DMD: variants seen among roughly 807,000 people sequenced by gnomAD.
DMD encodes mutant dystrophin.
Under a neutral mutation model 330.1 loss-of-function variants are expected in DMD, and 63 were observed. The ratio of observed to expected loss-of-function variants is 0.19; its 90% CI spans 0.16 to 0.24. The LOEUF is 0.24. Ranked by LOEUF, DMD falls within the 10% of genes least tolerant of loss-of-function variation. The pLI is 1.00. For missense variants in DMD, 3,344 were observed against 2,684.1 expected (o/e 1.25, Z -5.43); for synonymous variants, 1,223 against 959.8 (o/e 1.27, Z -5.07).
chrX:32,794,258 T>A (rs73621835), intron 7 of DMD, among the ~76,000 whole-genome samples: 10,153 of 111,522 alleles, frequency 0.091, 1,058 homozygotes, highest in African/African-American at 0.3. Context: ...ACAAGTAGTA[T>A]CAAACTGAAT....
chrX:31,425,968 C>T (rs929180422), intron 60 of DMD, among the ~76,000 whole-genome samples: 11 of 111,312 alleles, frequency 9.9e-5, no homozygotes, highest in African/African-American at 3.6e-4. Context: ...GGAGTAGCAG[C>T]ATAACTTGGC....
intron 1 of DMD, among the ~76,000 whole-genome samples, chrX:33,082,002 CTCT>C (rs2094937578): frequency 9.2e-6 from 1 of 108,182 alleles, no homozygotes; most frequent in Non-Finnish European, 1.9e-5. Flanking sequence ...GTGGTGCCTC[CTCT>C]GTTTTTCCCA....
chrX:33,067,591 A>G (rs2094684097), intron 1 of DMD, among the ~76,000 whole-genome samples: 2 of 112,554 alleles, frequency 1.8e-5, no homozygotes, highest in Admixed American at 9.4e-5. Context: ...CTGTAATCCC[A>G]GCACTTTGGG....
At chrX:31,162,356 TAAAAA>T (rs57908991) in intron 74 of DMD, among the ~76,000 whole-genome samples, 86 of 50,617 alleles carry the variant, frequency 1.7e-3, no homozygotes, top group South Asian at 3.8e-3. Context: ...ATGAAAAATC[TAAAAA>T]AAAAAAAAAA....
intron 42 of DMD, among the ~76,000 whole-genome samples, chrX:32,305,674 C>A (rs2097537831): frequency 9.0e-6 from 1 of 111,288 alleles, no homozygotes; most frequent in Admixed American, 9.6e-5. Flanking sequence ...TGATTGAGAT[C>A]ATGCCACTCA....
intron 71 of DMD, among the ~76,000 whole-genome samples, chrX:31,174,280 A>G (rs1482172714): frequency 3.6e-5 from 4 of 111,853 alleles, no homozygotes; most frequent in Non-Finnish European, 7.6e-5. Flanking sequence ...TATTTCTTAG[A>G]GATACTGTGT....
intron 29 of DMD, among the ~76,000 whole-genome samples, chrX:32,416,455 T>C (rs1467497739): frequency 1.8e-5 from 2 of 112,118 alleles, no homozygotes; most frequent in Non-Finnish European, 3.8e-5. Flanking sequence ...CAGTTTTAAA[T>C]ATTTTCTTCT....
chrX:32,443,848 T>A (rs773103005), intron 27 of DMD, among the ~76,000 whole-genome samples: 13 of 111,566 alleles, frequency 1.2e-4, no homozygotes, highest in Non-Finnish European at 2.1e-4. Context: ...AAAACTAAAC[T>A]TCTGTTCAAA....
At chrX:33,143,090 A>T (rs755284337) in intron 1 of DMD, among the ~76,000 whole-genome samples, 33 of 111,826 alleles carry the variant, frequency 3.0e-4, no homozygotes, top group Middle Eastern at 0.011. Flanking sequence ...TCAAGGTTAG[A>T]TTTACAGAGC....
intron 47 of DMD, among the ~76,000 whole-genome samples, chrX:31,908,278 C>A (rs757645885): frequency 2.7e-5 from 3 of 111,585 alleles, no homozygotes; most frequent in Non-Finnish European, 5.6e-5. Flanking sequence ...ATGTTTATTG[C>A]GGCACTATTC....
chrX:31,986,807 C>T (rs1411411347), intron 44 of DMD, among the ~76,000 whole-genome samples: 2 of 112,045 alleles, frequency 1.8e-5, no homozygotes, highest in African/African-American at 6.5e-5. Flanking sequence ...CGCCATATTG[C>T]CTTTGTCCTG....
intron 44 of DMD, among the ~76,000 whole-genome samples, chrX:32,092,088 G>C (rs1335859374): frequency 3.6e-5 from 4 of 111,632 alleles, no homozygotes; most frequent in African/African-American, 1.3e-4. Flanking sequence ...GCTATGATTC[G>C]GTGTCAGGAT....
At chrX:32,967,030 T>G (rs2092185754) in intron 2 of DMD, among the ~76,000 whole-genome samples, 1 of 111,759 alleles carries the variant, frequency 8.9e-6, no homozygotes, top group Admixed American at 9.5e-5. Flanking sequence ...CATGAATTCT[T>G]CAGTGCTTGG....
chrX:32,791,546 G>C (rs1431273012), intron 7 of DMD, among the ~76,000 whole-genome samples: 1 of 111,608 alleles, frequency 9.0e-6, no homozygotes, highest in Non-Finnish European at 1.9e-5. Flanking sequence ...CATTCATACT[G>C]TTTACATCCA....
intron 43 of DMD, among the ~76,000 whole-genome samples, chrX:32,280,158 ATATACAG>A (rs201259645): frequency 0.021 from 360 of 16,821 alleles, 5 homozygotes; most frequent in South Asian, 0.14. Flanking sequence ...ATATATATAT[ATATACAG>A]TATATATATA....
intron 28 of DMD, among the ~76,000 whole-genome samples, chrX:32,440,093 C>A (rs1330274250): frequency 9.0e-6 from 1 of 111,462 alleles, no homozygotes; most frequent in Non-Finnish European, 1.9e-5. Context: ...TACGATTTGA[C>A]AATTTCATAG....
intron 2 of DMD, among the ~76,000 whole-genome samples, chrX:32,881,003 T>G (rs1308730204): frequency 1.8e-5 from 2 of 113,011 alleles, no homozygotes; most frequent in Non-Finnish European, 3.7e-5. Flanking sequence ...TGATGATGAT[T>G]GTATGCAATT....
chrX:31,832,519 T>C (rs1453535261), intron 49 of DMD, among the ~76,000 whole-genome samples: 2 of 112,140 alleles, frequency 1.8e-5, no homozygotes, highest in Non-Finnish European at 3.8e-5. Flanking sequence ...GAGGAAATGA[T>C]GCCTGGAAGA....
At chrX:31,592,202 T>C (rs1029409608) in intron 55 of DMD, among the ~76,000 whole-genome samples, 3 of 109,054 alleles carry the variant, frequency 2.8e-5, no homozygotes, top group African/African-American at 9.9e-5. Context: ...AATGTGCATA[T>C]ATTCCAGGTT....
Sources: allele counts gnomAD v4.1 joint callset (sites outside exome capture counted in the v4.1 genomes callset), GRCh38; gene constraint gnomAD v4.1.1; transcripts MANE v1.5; gene names NCBI Gene and HGNC (gene_info 2026-07-23, HGNC 2026-07-21).